RPS6KA3: variants seen among roughly 807,000 people sequenced by gnomAD.
The protein encoded by RPS6KA3 is ribosomal protein S6 kinase A3, also known as ribosomal protein S6 kinase alpha-3.
In RPS6KA3, 4 loss-of-function variants were observed where a neutral mutation model predicts 67.2. That is an observed-to-expected ratio of 0.06 (90% CI 0.03 to 0.14). RPS6KA3 has a LOEUF of 0.14. Among genes scored for constraint, RPS6KA3 ranks in the 10% least tolerant of loss-of-function variants. The pLI, the probability that RPS6KA3 is intolerant of heterozygous loss-of-function variation, is 1.00. For synonymous variants in RPS6KA3, 182 were observed against 183.7 expected, an observed-to-expected ratio of 0.99 and a Z score of 0.07; for missense variants, 204 against 559.0, an observed-to-expected ratio of 0.36 and a Z score of 6.40.
At chrX:20,175,030 G>T in intron 14 of RPS6KA3, 134 bp downstream of exon 14, 1 of 642,915 alleles carries the variant, frequency 1.6e-6, no homozygotes, top group Non-Finnish European at 2.5e-6. Context: ...CTGGGATTAC[G>T]GGTGTGAGCC....
At chrX:20,189,041 TG>T (rs1426203347) in intron 7 of RPS6KA3, among the ~76,000 whole-genome samples, 1 of 112,578 alleles carries the variant, frequency 8.9e-6, no homozygotes, top group East Asian at 2.8e-4. Context: ...CCCTGAGTGC[TG>T]GGATTACTCC....
chrX:20,254,329 A>G (rs968227528), intron 1 of RPS6KA3, among the ~76,000 whole-genome samples: 4 of 111,223 alleles, frequency 3.6e-5, no homozygotes, highest in African/African-American at 6.5e-5. Context: ...GGCCGAGGAG[A>G]CTCTAAGGAA....
At chrX:20,196,390 T>A (rs766476897) in intron 4 of RPS6KA3, among the ~76,000 whole-genome samples, 1 of 112,490 alleles carries the variant, frequency 8.9e-6, no homozygotes, top group South Asian at 3.6e-4. Context: ...ACAAATAAGA[T>A]AATCTTCAAG....
chrX:20,189,199 C>T (rs1346790611), intron 7 of RPS6KA3, among the ~76,000 whole-genome samples: 1 of 111,778 alleles, frequency 8.9e-6, no homozygotes, highest in Non-Finnish European at 1.9e-5. Context: ...ATTGACCCCT[C>T]CCTTCACTAT....
At chrX:20,160,964 AT>A (rs768006073) in intron 20 of RPS6KA3, among the ~76,000 whole-genome samples, 14 of 108,781 alleles carry the variant, frequency 1.3e-4, no homozygotes, top group Non-Finnish European at 2.1e-4. Context: ...AAAAAACTTC[AT>A]TTTTTTTTTA....
At chrX:20,229,745 A>C (rs2069213630) in intron 2 of RPS6KA3, among the ~76,000 whole-genome samples, 1 of 112,383 alleles carries the variant, frequency 8.9e-6, no homozygotes, top group Admixed American at 9.4e-5. Context: ...ATTTAATATC[A>C]TTAAATAAAT....
chrX:20,241,512 A>C (rs185931902), intron 1 of RPS6KA3: 1 of 107,857 alleles, frequency 9.3e-6, no homozygotes, highest in Admixed American at 1.0e-4. Context: ...TGAATAACAG[A>C]TGTTCCTAAA....
rs2067098324 is a variant in RPS6KA3 at position 20,151,204 on chromosome X, T to G, written c.*4194A>C. ...AGCACACCGTAGATACAAATTCTTC[T>G]TGGCCATCCATATTTGGGCATTATC... On this transcript the variant is annotated 3_prime_UTR_variant, in exon 22 of 22. Transcript: ENST00000379565. The G allele has an allele frequency of 8.9e-6, 1 of 112,654 alleles. No individual in the cohort carries two copies. The highest frequency in any genetic ancestry group is 3.2e-5 in the African/African-American group (1 of 31,004). The allele number at this position is 112,654 out of a possible 1,213,427, so 9.3% of individuals were successfully genotyped here.
At chrX:20,212,896 T>A (rs1474287524) in intron 2 of RPS6KA3, among the ~76,000 whole-genome samples, 2 of 111,999 alleles carry the variant, frequency 1.8e-5, no homozygotes, top group African/African-American at 6.5e-5. Flanking sequence ...TTCATTACCT[T>A]TCAGCTAGAA....
At position 20,177,046 on chromosome X, in the gene RPS6KA3, G is replaced by A. The variant is rs765189733; in HGVS notation, c.884C>T (p.Ala295Val). 17 of 1,206,758 alleles carry A rather than the reference G, an allele frequency of 1.4e-5. No homozygotes were observed. The highest frequency in any genetic ancestry group is 1.9e-5 in the Non-Finnish European group (17 of 892,101). Residue 295 changes from alanine to valine, a missense_variant, in exon 11 of 22, where the codon GCG (alanine) becomes GTG (valine). Coordinates refer to ENST00000379565, the MANE Select transcript of RPS6KA3 (RefSeq NM_004586.3). ...LGMPQFLSPE[A>V]QSLLRMLFKR... ...GAAAAGCATTCGTAAAAGACTCTGC[G>A]CTTCAGGACTCAAAAACTGTGGCAT...
chrX:20,227,088 A>G (rs1258422401), intron 2 of RPS6KA3, among the ~76,000 whole-genome samples: 1 of 111,438 alleles, frequency 9.0e-6, no homozygotes, highest in Non-Finnish European at 1.9e-5. Context: ...CAGCCTCTCA[A>G]GTGAATTTTC....
chrX:20,166,312 T>A (rs1207828907), intron 17 of RPS6KA3, among the ~76,000 whole-genome samples: 1 of 111,911 alleles, frequency 8.9e-6, no homozygotes, highest in African/African-American at 3.2e-5. Flanking sequence ...GAATTACTGA[T>A]GAGGCATTGG....
At chrX:20,200,885 G>A (rs187681804) in intron 4 of RPS6KA3, among the ~76,000 whole-genome samples, 22 of 110,783 alleles carry the variant, frequency 2.0e-4, no homozygotes, top group Admixed American at 6.7e-4. Flanking sequence ...GTCTCACTAT[G>A]CTGCCCAGGC....
intron 1 of RPS6KA3, among the ~76,000 whole-genome samples, chrX:20,242,030 C>CA (rs1253747543): frequency 9.0e-6 from 1 of 111,299 alleles, no homozygotes; most frequent in Non-Finnish European, 1.9e-5. Context: ...ATACTGACAC[C>CA]AACCTAATAT....
rs981226111 is a variant in RPS6KA3 at position 20,260,241 on chromosome X, T to A, written c.69+6323A>T. On this transcript the variant is annotated intron_variant, in intron 1 of 21. Coordinates refer to ENST00000379565, the MANE Select transcript of RPS6KA3 (RefSeq NM_004586.3). Reference sequence around the variant, plus strand: ...TAACCATTTCTTCAGGGACACATTATCTTCAAGAGGTAGACATACAGAATA... The same window carrying A: ...TAACCATTTCTTCAGGGACACATTAACTTCAAGAGGTAGACATACAGAATA... Among the ~76,000 whole-genome samples the A allele has an allele frequency of 2.7e-5, 3 of 111,856 alleles. No individual in the cohort carries two copies. The South Asian group carries it at 1.1e-3, about 42-fold the overall frequency.
intron 2 of RPS6KA3, among the ~76,000 whole-genome samples, chrX:20,225,909 A>G (rs561556049): frequency 1.8e-5 from 2 of 112,062 alleles, no homozygotes; most frequent in African/African-American, 6.5e-5. Flanking sequence ...AGTGGGGCCG[A>G]GTATGGTGGT....
intron 4 of RPS6KA3, among the ~76,000 whole-genome samples, chrX:20,201,040 A>C (rs1321977034): frequency 1.8e-5 from 2 of 112,062 alleles, no homozygotes; most frequent in Non-Finnish European, 3.8e-5. Context: ...TATTATAAAT[A>C]ATGTTGCAAC....
chrX:20,193,708 T>C (rs1180443796), intron 6 of RPS6KA3, 115 bp from the exon 7 acceptor site: 1 of 463,164 alleles, frequency 2.2e-6, no homozygotes, highest in Non-Finnish European at 3.7e-6. Flanking sequence ...TAATTATACA[T>C]AGCTTTGTTT....
chrX:20,234,541 A>G (rs1328693654), intron 2 of RPS6KA3, among the ~76,000 whole-genome samples: 7 of 111,724 alleles, frequency 6.3e-5, no homozygotes, highest in African/African-American at 2.3e-4. Context: ...TCAACAATAT[A>G]AAGCAATTTG....
Sources: allele counts gnomAD v4.1 joint callset (sites outside exome capture counted in the v4.1 genomes callset), GRCh38; gene constraint gnomAD v4.1.1; transcripts MANE v1.5; gene names NCBI Gene and HGNC (gene_info 2026-07-23, HGNC 2026-07-21).